AGO1: variants seen among roughly 807,000 people sequenced by gnomAD.
The protein encoded by AGO1 is protein argonaute-1.
In AGO1, 11 loss-of-function variants were observed where a neutral mutation model predicts 109.2. The observed-to-expected ratio is 0.10, with a 90% CI of 0.06 to 0.17. The LOEUF is 0.17. Ranked by LOEUF, AGO1 falls within the 10% of genes least tolerant of loss-of-function variation. The pLI is 1.00. For synonymous variants in AGO1, 422 were observed against 418.6 expected (o/e 1.01, Z -0.10); for missense variants, 574 against 1,140.3 (o/e 0.50, Z 7.15).
chr1:35,873,551 T>A, intron 1 of AGO1: 1 of 156,318 alleles, frequency 6.4e-6, no homozygotes, highest in Non-Finnish European at 1.4e-5. Flanking sequence ...GCAAATTTCC[T>A]CTTTCAGTTT....
In AGO1 at chr1:35,923,422, TG is replaced by T. The variant is rs1645868454; in HGVS notation, c.*3817del. On this transcript the variant is annotated 3_prime_UTR_variant, in exon 19 of 19. Coordinates refer to ENST00000373204, the MANE Select transcript of AGO1 (RefSeq NM_012199.5). The stretch of plus-strand genomic sequence containing the variant: ...TGGAATCATGTGTAACTAACAAGGT[TG>T]GACGTTTCTTCCCCATCAGGGTAGA... The T allele has an allele frequency of 1.3e-5, 2 of 152,724 alleles. No individual in the cohort carries two copies. Among genetic ancestry groups the T allele is most frequent in the East Asian group, 3.9e-4 (2 of 5,182 alleles). The allele number at this position is 152,724 out of a possible 1,614,324, so 9.5% of individuals were successfully genotyped here. A position where few individuals can be genotyped will look rare whatever the true frequency, so the allele number is the denominator to read the frequency against.
intron 11 of AGO1, among the ~76,000 whole-genome samples, chr1:35,906,166 A>G (rs1645515858): frequency 6.6e-6 from 1 of 152,210 alleles, no homozygotes; most frequent in South Asian, 2.1e-4. Flanking sequence ...CCTAAAGCCA[A>G]AGGAAGCTTA....
chr1:35,923,243 C>T lies in AGO1; in HGVS notation c.*3636C>T, dbSNP rs760929529. On this transcript the variant is annotated 3_prime_UTR_variant, in exon 19 of 19. Coordinates refer to ENST00000373204, the MANE Select transcript of AGO1 (RefSeq NM_012199.5). ...AATGCCCACCTGCTAGATAGCTTCT[C>T]TGTGGCCTCCTATTTAGCTAAGCAG... 2.0e-5 allele frequency: 3 copies of T among 152,212 alleles called. No individual in the cohort carries two copies. The highest frequency in any genetic ancestry group is 2.9e-5 in the Non-Finnish European group (2 of 68,046). 9.4% of individuals were successfully genotyped at this position (152,212 alleles called of 1,614,324 possible).
rs147293577 is a variant in AGO1, at chr1:35,924,902, C to G, written c.*5295C>G. On this transcript the variant is annotated 3_prime_UTR_variant, in exon 19 of 19. Transcript: ENST00000373204. ...AACACAGGTTGGTGCTCAGGTAAGACTGTAAAACTGCATTTATAGATACAG... is the reference window on the plus strand; with the variant it reads ...AACACAGGTTGGTGCTCAGGTAAGAGTGTAAAACTGCATTTATAGATACAG... 2.0e-5 allele frequency: 3 copies of G among 152,104 alleles called. No homozygotes were observed. Among genetic ancestry groups the G allele is most frequent in the Non-Finnish European group, 2.9e-5 (2 of 68,030 alleles). 9.4% of individuals were successfully genotyped at this position (152,104 alleles called of 1,614,324 possible). A position where few individuals can be genotyped will look rare whatever the true frequency, so the allele number is the denominator to read the frequency against.
In AGO1 at chr1:35,883,286, C is replaced by CG; in HGVS notation, c.-134dup. 1 of 1,413,262 alleles carries CG rather than the reference C, an allele frequency of 7.1e-7. No homozygotes were observed. Among genetic ancestry groups the CG allele is most frequent in the Non-Finnish European group, 9.2e-7 (1 of 1,084,444 alleles). 87.5% of individuals were successfully genotyped at this position (1,413,262 alleles called of 1,614,324 possible). A position where few individuals can be genotyped will look rare whatever the true frequency, so the allele number is the denominator to read the frequency against. On this transcript the variant is annotated 5_prime_UTR_variant, in exon 1 of 19. Coordinates refer to ENST00000373204, the MANE Select transcript of AGO1 (RefSeq NM_012199.5). This position sits in a 1 kb window ranked among gnomAD's most constrained non-coding sequence, Gnocchi z 5.4. The stretch of plus-strand genomic sequence containing the variant: ...GCGGCAACGGAGGCTGCGGGGGCGG[C>CG]GGCGCGAGCGGCCGGGCTTGGTAGG...
At chr1:35,917,775 T>C (rs1645761514) in intron 16 of AGO1, 48 bp downstream of exon 16, 1 of 1,588,800 alleles carries the variant, frequency 6.3e-7, no homozygotes, top group African/African-American at 1.3e-5. Context: ...GTCTCCCTTA[T>C]CTTAATAGAG....
Position 35,901,343 on chromosome 1 carries a change from T to C in AGO1, c.1021-131T>C. On this transcript the variant is annotated intron_variant, in intron 8 of 18. Coordinates refer to ENST00000373204, the MANE Select transcript of AGO1 (RefSeq NM_012199.5). This position sits in a 1 kb window ranked among gnomAD's most constrained non-coding sequence, Gnocchi z 4.8. Reference sequence around the variant, plus strand: ...AAATGATACTCAGGAGGAGAATACATGTATGCACAACGGATTTTGCAGTTC... The same window carrying C: ...AAATGATACTCAGGAGGAGAATACACGTATGCACAACGGATTTTGCAGTTC... 1.8e-6 allele frequency: 2 copies of C among 1,097,594 alleles called. No homozygotes were observed. Among genetic ancestry groups the C allele is most frequent in the Non-Finnish European group, 2.7e-6 (2 of 746,948 alleles). The allele number at this position is 1,097,594 out of a possible 1,614,324, so 68.0% of individuals were successfully genotyped here.
chr1:35,898,314 T>A (rs1221214420), intron 8 of AGO1, among the ~76,000 whole-genome samples: 1 of 151,940 alleles, frequency 6.6e-6, no homozygotes, highest in Non-Finnish European at 1.5e-5. Flanking sequence ...TGGAGTGCAG[T>A]GGCACGATCT....
rs1057471908 is a variant in AGO1, at chr1:35,923,104, A to G, written c.*3497A>G. On this transcript the variant is annotated 3_prime_UTR_variant, in exon 19 of 19. Transcript: ENST00000373204. ...GTCCAACCTGATCCATTAGGGATCG[A>G]GGTGCTACACTGGCCTCCAGGGATA... 4 of 152,196 alleles carry G rather than the reference A, an allele frequency of 2.6e-5. No individual in the cohort carries two copies. The highest frequency in any genetic ancestry group is 9.7e-5 in the African/African-American group (4 of 41,438). 9.4% of individuals were successfully genotyped at this position (152,196 alleles called of 1,614,324 possible).
At position 35,893,855 on chromosome 1, in the gene AGO1, G is replaced by T; in HGVS notation, c.649+45G>T. ...GAGCCAGGGGCACCCCAAGTCCAGT[G>T]ACCACACTCCCAGCCTCATCCCTCC... On this transcript the variant is annotated intron_variant, in intron 5 of 18. Transcript: ENST00000373204. This position sits in a 1 kb window ranked among gnomAD's most constrained non-coding sequence, Gnocchi z 5.6. 6.3e-7 allele frequency: 1 copy of T among 1,588,880 alleles called. No individual in the cohort carries two copies.
chr1:35,889,733 C>T (rs1645183469), intron 2 of AGO1, among the ~76,000 whole-genome samples: 1 of 152,076 alleles, frequency 6.6e-6, no homozygotes, highest in South Asian at 2.1e-4. Flanking sequence ...GTGGCGCCAT[C>T]TCAGATCACT....
At chr1:35,872,873 G>A in intron 1 of AGO1, among the ~76,000 whole-genome samples, 1 of 152,110 alleles carries the variant, frequency 6.6e-6, no homozygotes, top group African/African-American at 2.4e-5. Flanking sequence ...GAGCCACCAT[G>A]CTTGGGTCTA....
chr1:35,914,488 A>G (rs1426937108), intron 14 of AGO1, among the ~76,000 whole-genome samples: 3 of 152,022 alleles, frequency 2.0e-5, no homozygotes, highest in Non-Finnish European at 4.4e-5. Flanking sequence ...GTAGCCAGAG[A>G]CTTGACTCAT....
At chr1:35,877,019 C>T (rs929873183) in intron 1 of AGO1, among the ~76,000 whole-genome samples, 3 of 152,182 alleles carry the variant, frequency 2.0e-5, no homozygotes, top group Non-Finnish European at 4.4e-5. Context: ...GGCAGCCTGT[C>T]CAAAGCTGCT....
In AGO1 at chr1:35,893,386, T is replaced by A; in HGVS notation, c.512+108T>A. On this transcript the variant is annotated intron_variant, in intron 4 of 18. Coordinates refer to ENST00000373204, the MANE Select transcript of AGO1 (RefSeq NM_012199.5). This position sits in a 1 kb window ranked among gnomAD's most constrained non-coding sequence, Gnocchi z 5.6. The stretch of plus-strand genomic sequence containing the variant: ...CACAGAGTGCCATTAAAAAAAAAAA[T>A]TATTTGAAGCCCTACCACTTGCCAG... 1.9e-5 allele frequency: 22 copies of A among 1,169,706 alleles called. No individual in the cohort carries two copies. Among genetic ancestry groups the A allele is most frequent in the Non-Finnish European group, 2.1e-5 (18 of 838,060 alleles). 72.5% of individuals were successfully genotyped at this position (1,169,706 alleles called of 1,614,324 possible).
Position 35,888,549 on chromosome 1 carries a change from A to G in AGO1, c.148A>G (p.Ile50Val), listed in dbSNP as rs146957455. Residue 50 changes from isoleucine (I) to valine (V), a missense_variant, in exon 2 of 19, where the codon ATC becomes GTC. Ile to Val is a conservative substitution (Grantham distance 29, BLOSUM62 3). Around this residue, in one of 8 missense-constraint regions of AGO1, gnomAD observed 89 missense variants for 109.6 expected, o/e 0.81. Transcript: ENST00000373204. This position sits in a 1 kb window ranked among gnomAD's most constrained non-coding sequence, Gnocchi z 4.1. ...ANYFEVDIPK[I>V]DVYHYEVDIK... ...TTACTTTGAGGTGGACATCCCTAAG[A>G]TCGACGTGTACCACTACGAGGTGGA... 2.5e-5 allele frequency: 40 copies of G among 1,614,096 alleles called. No individual in the cohort carries two copies. Among genetic ancestry groups the G allele is most frequent in the Non-Finnish European group, 3.3e-5 (39 of 1,180,038 alleles).
At position 35,928,465 on chromosome 1, in the gene AGO1, T is replaced by C. The variant is rs974606597; in HGVS notation, c.*8858T>C. The C allele has an allele frequency of 6.6e-6, 1 of 152,162 alleles. No homozygotes were observed. The highest frequency in any genetic ancestry group is 2.4e-5 in the African/African-American group (1 of 41,424). 9.4% of individuals were successfully genotyped at this position (152,162 alleles called of 1,614,324 possible). On this transcript the variant is annotated 3_prime_UTR_variant, in exon 19 of 19. Transcript: ENST00000373204. ...CCAGCTAATTAAAAAAAAAATTTTT[T>C]TTGTAGCAGTTCGGTCTCATTAGTA...
At chr1:35,906,808 GAA>G (rs58488535) in intron 11 of AGO1, 125 bp from the exon 12 acceptor site, 6,445 of 528,266 alleles carry the variant, frequency 0.012, no homozygotes, top group South Asian at 0.016. Context: ...CTGTCTCAAG[GAA>G]AAAAAAAAAA....
chr1:35,887,619 A>AC (rs1645141889), intron 1 of AGO1, among the ~76,000 whole-genome samples: 1 of 150,126 alleles, frequency 6.7e-6, no homozygotes, highest in Admixed American at 6.6e-5. Flanking sequence ...TCTAATTGCC[A>AC]CCTCTTCTTC....
Sources: allele counts gnomAD v4.1 joint callset (sites outside exome capture counted in the v4.1 genomes callset), GRCh38; gene constraint gnomAD v4.1.1; regional missense constraint gnomAD v4.1.1; non-coding constraint Gnocchi (gnomAD v3.1); transcripts MANE v1.5; gene names NCBI Gene and HGNC (gene_info 2026-07-23, HGNC 2026-07-21).